Variants in PDCD6 observed in about 807,000 individuals in gnomAD.
PDCD6 encodes the protein programmed cell death 6.
Under a neutral mutation model 28.3 loss-of-function variants are expected in PDCD6, and 12 were observed. That is an observed-to-expected ratio of 0.42 (90% confidence interval 0.27 to 0.69). PDCD6 has a LOEUF of 0.69. Among genes scored for constraint, PDCD6 ranks in the 30% least tolerant of loss-of-function variants. The pLI, the probability that PDCD6 is intolerant of heterozygous loss-of-function variation, is 0.22. For missense variants in PDCD6, 226 were observed against 269.9 expected (o/e 0.84, Z 1.14); for synonymous variants, 92 against 108.0 (o/e 0.85, Z 0.92).
At position 306,429 on chromosome 5, in the gene PDCD6, C is replaced by T. The variant is rs1362366715; in HGVS notation, c.209-173C>T. The stretch of plus-strand genomic sequence containing the variant: ...ACACCCCCACCCAGGGCGAAGGTGA[C>T]AAGACTTTAAGGGATTTCACCCCAT... On this transcript the variant is annotated intron_variant, in intron 3 of 5. Coordinates refer to ENST00000264933, the MANE Select transcript of PDCD6 (RefSeq NM_013232.4). 6 of 628,198 alleles carry T rather than the reference C, an allele frequency of 9.6e-6. No homozygotes were observed. In the African/African-American group the frequency reaches 1.1e-4, roughly 11 times the overall value. The allele number at this position is 628,198 out of a possible 1,614,324, so 38.9% of individuals were successfully genotyped here. A position where few individuals can be genotyped will look rare whatever the true frequency, so the allele number is the denominator to read the frequency against.
At chr5:278,973 T>G (rs1738390721) in intron 2 of PDCD6, among the ~76,000 whole-genome samples, 1 of 152,054 alleles carries the variant, frequency 6.6e-6, no homozygotes, top group South Asian at 2.1e-4. Flanking sequence ...CACCTGTGGC[T>G]TGCGGTTGTT....
chr5:293,101 C>G (rs1739409626), intron 2 of PDCD6, among the ~76,000 whole-genome samples: 1 of 152,220 alleles, frequency 6.6e-6, no homozygotes, highest in Admixed American at 6.5e-5. Context: ...CAGCACCTCC[C>G]CCTGACTCAC....
intron 2 of PDCD6, among the ~76,000 whole-genome samples, chr5:281,761 A>AGCT (rs1327651498): frequency 2.0e-5 from 3 of 150,502 alleles, no homozygotes; most frequent in Admixed American, 2.0e-4. Context: ...TCCGGAGAGG[A>AGCT]GCTGATGTTT....
chr5:299,495 G>C (rs909356714), intron 2 of PDCD6, among the ~76,000 whole-genome samples: 4 of 151,374 alleles, frequency 2.6e-5, no homozygotes, highest in Non-Finnish European at 5.9e-5. Context: ...CTTTTTTCAA[G>C]TCTCTGTGCT....
At chr5:282,656 G>T (rs538935354) in intron 2 of PDCD6, among the ~76,000 whole-genome samples, 2 of 152,044 alleles carry the variant, frequency 1.3e-5, no homozygotes, top group African/African-American at 4.8e-5. Flanking sequence ...AAGACTTGGG[G>T]AGTAGCTGAT....
At chr5:277,109 T>TA (rs1209971761) in intron 2 of PDCD6, among the ~76,000 whole-genome samples, 1 of 152,158 alleles carries the variant, frequency 6.6e-6, no homozygotes, top group Non-Finnish European at 1.5e-5. Context: ...TAATAATTCT[T>TA]ACATTCGTTT....
At chr5:292,460 T>C (rs949091445) in intron 2 of PDCD6, among the ~76,000 whole-genome samples, 20 of 152,182 alleles carry the variant, frequency 1.3e-4, no homozygotes, top group Non-Finnish European at 2.5e-4. Flanking sequence ...GGTTTCACCA[T>C]GTTGTCCAGA....
intron 2 of PDCD6, among the ~76,000 whole-genome samples, chr5:294,342 A>C (rs1739472113): frequency 6.7e-6 from 1 of 149,800 alleles, no homozygotes; most frequent in Non-Finnish European, 1.5e-5. Context: ...AAGAACCATC[A>C]AAACTTAACC....
At chr5:302,997 C>T (rs750257077) in intron 2 of PDCD6, among the ~76,000 whole-genome samples, 3 of 152,154 alleles carry the variant, frequency 2.0e-5, no homozygotes, top group Admixed American at 6.5e-5. Context: ...GGTGCTCAGG[C>T]GGAGCAAATG....
chr5:283,883 G>A (rs376722262), intron 2 of PDCD6, among the ~76,000 whole-genome samples: 2 of 152,138 alleles, frequency 1.3e-5, no homozygotes. Context: ...AAGACTCGGG[G>A]AGGAGCTGAT....
At chr5:300,834 G>A (rs566942345) in intron 2 of PDCD6, among the ~76,000 whole-genome samples, 2 of 152,070 alleles carry the variant, frequency 1.3e-5, no homozygotes, top group East Asian at 3.9e-4. Context: ...GATTAATCCC[G>A]GGACAACCTC....
intron 2 of PDCD6, 105 bp downstream of exon 2, chr5:272,877 C>G (rs1418157367): frequency 7.5e-6 from 11 of 1,458,996 alleles, no homozygotes; most frequent in Admixed American, 2.0e-5. Flanking sequence ...ACAAAGGAAT[C>G]ATTAGGACAA....
intron 5 of PDCD6, 88 bp downstream of exon 5, chr5:311,490 C>A: frequency 2.4e-6 from 2 of 838,928 alleles, no homozygotes; most frequent in Non-Finnish European, 4.0e-6. Flanking sequence ...ATCTAAGGAG[C>A]TGGGCATGTG....
At chr5:302,491 CTGTG>C (rs111715060) in intron 2 of PDCD6, among the ~76,000 whole-genome samples, 5 of 53,356 alleles carry the variant, frequency 9.4e-5, no homozygotes, top group South Asian at 6.1e-4. Flanking sequence ...AGTGCTGCTG[CTGTG>C]TGTGTGTGTG....
In PDCD6 at chr5:314,789, A is replaced by C. The variant is rs948705301; in HGVS notation, c.*274A>C. On this transcript the variant is annotated 3_prime_UTR_variant, in exon 6 of 6. Transcript: ENST00000264933. The stretch of plus-strand genomic sequence containing the variant: ...TTTCAGGCATTCTGCTTGCAAAAAA[A>C]TCTATCATGTGCTTTTCTAGATGTC... 1 of 524,848 alleles carries C rather than the reference A, an allele frequency of 1.9e-6. No homozygotes were observed. The highest frequency in any genetic ancestry group is 3.6e-5 in the East Asian group (1 of 27,986). The allele number at this position is 524,848 out of a possible 1,614,324, so 32.5% of individuals were successfully genotyped here. A position where few individuals can be genotyped will look rare whatever the true frequency, so the allele number is the denominator to read the frequency against.
chr5:275,008 C>G (rs769409267), intron 2 of PDCD6, among the ~76,000 whole-genome samples: 2 of 152,012 alleles, frequency 1.3e-5, no homozygotes, highest in Admixed American at 1.3e-4. Flanking sequence ...TCACCGTGGT[C>G]CCAATGGAGT....
At chr5:286,743 G>C (rs1419183354) in intron 2 of PDCD6, among the ~76,000 whole-genome samples, 1 of 152,188 alleles carries the variant, frequency 6.6e-6, no homozygotes, top group Admixed American at 6.5e-5. Flanking sequence ...TGCAGGTGGA[G>C]ACCTGGGGAG....
intron 2 of PDCD6, among the ~76,000 whole-genome samples, chr5:300,803 G>A (rs539604073): frequency 2.0e-4 from 31 of 152,270 alleles, no homozygotes; most frequent in African/African-American, 7.2e-4. Flanking sequence ...TTCTAGTGGG[G>A]TGGCTGCCTC....
At chr5:302,901 G>T (rs1270639817) in intron 2 of PDCD6, among the ~76,000 whole-genome samples, 1 of 151,962 alleles carries the variant, frequency 6.6e-6, no homozygotes, top group Non-Finnish European at 1.5e-5. Flanking sequence ...TATGCCTCAG[G>T]TTCAGGTGCA....
Sources: gnomAD v4.1 joint callset for allele counts (sites outside exome capture counted in the v4.1 genomes callset) on GRCh38, gnomAD v4.1.1 for gene constraint, MANE v1.5 for transcripts, NCBI Gene and HGNC (gene_info 2026-07-23, HGNC 2026-07-21) for gene names.